LYPD6B: variants seen among roughly 807,000 people sequenced by gnomAD.
LYPD6B encodes ly6/PLAUR domain-containing protein 6B.
LYPD6B carries 17 observed loss-of-function variants against 22.8 expected under a neutral mutation model. That is an observed-to-expected ratio of 0.75 (90% CI 0.51 to 1.12). The LOEUF (loss-of-function observed/expected upper bound fraction) is 1.12, where lower values mean the gene tolerates loss of function less well. Among genes scored for constraint, LYPD6B ranks in the 50% most tolerant of loss-of-function variants. LYPD6B has a pLI of 0.00. For synonymous variants in LYPD6B, 106 were observed against 91.6 expected (o/e 1.16, Z -0.90); for missense variants, 221 against 258.3 (o/e 0.86, Z 0.99).
intron 1 of LYPD6B, among the ~76,000 whole-genome samples, chr2:149,114,599 T>C (rs576852568): frequency 5.9e-5 from 9 of 152,318 alleles, no homozygotes; most frequent in African/African-American, 1.9e-4. Flanking sequence ...ACACTACTGT[T>C]CTAAGGGCTA....
At chr2:149,040,214 TC>T (rs1480937928) in intron 1 of LYPD6B, among the ~76,000 whole-genome samples, 4 of 98,100 alleles carry the variant, frequency 4.1e-5, no homozygotes, top group East Asian at 4.7e-4. Context: ...TCTCTCTCTC[TC>T]TCTCTCTTTT....
At position 149,066,618 on chromosome 2, in the gene LYPD6B, T is replaced by C. The variant is rs574778285; in HGVS notation, c.-67+27817T>C. On this transcript the variant is annotated intron_variant, in intron 1 of 6. Transcript: ENST00000409642. ...TGGTTCCAATGTTATGCCATATACATAACAGTTGCTCAAAAACATTTATTA... is the reference window on the plus strand; with the variant it reads ...TGGTTCCAATGTTATGCCATATACACAACAGTTGCTCAAAAACATTTATTA... Among the ~76,000 whole-genome samples the C allele has an allele frequency of 8.4e-4, 128 of 152,174 alleles. 1 individual carries two copies. Among genetic ancestry groups the C allele is most frequent in the African/African-American group, 1.2e-3 (50 of 41,524 alleles).
At chr2:149,153,107 G>A (rs10490382) in intron 2 of LYPD6B, among the ~76,000 whole-genome samples, 41,266 of 151,932 alleles carry the variant, frequency 0.27, 7,107 homozygotes, top group East Asian at 0.55. Context: ...AGCTGAACAG[G>A]GTCTTATAGG....
intron 1 of LYPD6B, among the ~76,000 whole-genome samples, chr2:149,085,144 C>T (rs904848000): frequency 2.6e-5 from 4 of 152,194 alleles, no homozygotes; most frequent in African/African-American, 9.7e-5. Flanking sequence ...CTCCCCATAC[C>T]GATGAGAAAG....
intron 5 of LYPD6B, 110 bp from the exon 6 acceptor site, chr2:149,212,882 T>C (rs760418409): frequency 4.6e-6 from 5 of 1,087,270 alleles, no homozygotes; most frequent in Non-Finnish European, 6.5e-6. Flanking sequence ...ACCCCAGGAC[T>C]GGCCTGAATT....
intron 6 of LYPD6B, among the ~76,000 whole-genome samples, chr2:149,214,074 T>G (rs1694045207): frequency 6.6e-6 from 1 of 152,196 alleles, no homozygotes; most frequent in Non-Finnish European, 1.5e-5. Flanking sequence ...GCAACCATAA[T>G]TAGTAAACCA....
chr2:149,201,168 G>A (rs1392219904), intron 3 of LYPD6B, among the ~76,000 whole-genome samples: 1 of 152,170 alleles, frequency 6.6e-6, no homozygotes, highest in African/African-American at 2.4e-5. Context: ...TAACCATTAT[G>A]TGGGTCTCTA....
intron 6 of LYPD6B, 105 bp downstream of exon 6, chr2:149,213,227 C>T: frequency 7.0e-7 from 1 of 1,422,156 alleles, no homozygotes; most frequent in Non-Finnish European, 9.6e-7. Context: ...ACCATGTTTA[C>T]ATTTTGAGGA....
At chr2:149,067,053 T>C (rs1487775370) in intron 1 of LYPD6B, among the ~76,000 whole-genome samples, 2 of 152,194 alleles carry the variant, frequency 1.3e-5, no homozygotes, top group Non-Finnish European at 2.9e-5. Context: ...TAAGAGAGAA[T>C]ATGTGGTATT....
intron 1 of LYPD6B, among the ~76,000 whole-genome samples, chr2:149,043,101 G>A (rs950157933): frequency 1.3e-5 from 2 of 152,174 alleles, no homozygotes; most frequent in Admixed American, 1.3e-4. Flanking sequence ...TGGTAGCAGG[G>A]AAAGGAAGAA....
rs35825610 is a variant in LYPD6B, at chr2:149,172,979, C to CAT, written c.77+12161_77+12162dup. 9.7e-3 allele frequency among the ~76,000 whole-genome samples: 1,440 copies of CAT among 148,510 alleles called. 16 individuals carry two copies. The highest frequency in any genetic ancestry group is 0.028 in the African/African-American group (1,108 of 40,282). On this transcript the variant is annotated intron_variant, in intron 3 of 6. Transcript: ENST00000409642. ...TCATAAGCCAATACCTTTTAATAAG[C>CAT]ATATATATATATATATATGCGCTTA...
intron 4 of LYPD6B, among the ~76,000 whole-genome samples, 198 bp downstream of exon 4, chr2:149,205,602 G>A (rs967110282): frequency 1.3e-5 from 2 of 152,146 alleles, no homozygotes; most frequent in Non-Finnish European, 2.9e-5. Context: ...AAATGGTCTG[G>A]CTTCCTGCTG....
At chr2:149,080,268 G>C (rs548888392) in intron 1 of LYPD6B, among the ~76,000 whole-genome samples, 1 of 152,284 alleles carries the variant, frequency 6.6e-6, no homozygotes, top group Admixed American at 6.5e-5. Flanking sequence ...CCCTGTGTGT[G>C]TGTCTGTGTC....
intron 2 of LYPD6B, among the ~76,000 whole-genome samples, chr2:149,147,510 G>A (rs576370408): frequency 2.0e-5 from 3 of 151,614 alleles, no homozygotes; most frequent in African/African-American, 7.3e-5. Flanking sequence ...TTTGTTTTTT[G>A]TTTGTTTGTT....
intron 2 of LYPD6B, chr2:149,154,018 G>A: frequency 1.0e-6 from 1 of 953,892 alleles, no homozygotes; most frequent in Non-Finnish European, 1.2e-6. Flanking sequence ...CTAGGAGGAT[G>A]GTGATTCTAA....
intron 1 of LYPD6B, among the ~76,000 whole-genome samples, chr2:149,098,235 CT>C (rs931651691): frequency 6.6e-6 from 1 of 151,920 alleles, no homozygotes; most frequent in African/African-American, 2.4e-5. Context: ...TCTTAAGTTT[CT>C]CTAACTTTTA....
intron 3 of LYPD6B, among the ~76,000 whole-genome samples, chr2:149,179,868 A>G (rs1469119056): frequency 6.6e-6 from 1 of 152,264 alleles, no homozygotes; most frequent in African/African-American, 2.4e-5. Flanking sequence ...TAGATTAGGT[A>G]ATTCACAAAA....
intron 1 of LYPD6B, among the ~76,000 whole-genome samples, chr2:149,053,607 C>T (rs1219476017): frequency 6.6e-6 from 1 of 152,130 alleles, no homozygotes; most frequent in African/African-American, 2.4e-5. Context: ...ATAAAATGTA[C>T]CTCTTTAAAG....
intron 1 of LYPD6B, among the ~76,000 whole-genome samples, chr2:149,071,168 A>G (rs1054481326): frequency 6.6e-6 from 1 of 152,364 alleles, no homozygotes; most frequent in Non-Finnish European, 1.5e-5. Flanking sequence ...CCATAGCAAT[A>G]CTTAATTAAC....
Sources: allele counts gnomAD v4.1 joint callset (sites outside exome capture counted in the v4.1 genomes callset), GRCh38; gene constraint gnomAD v4.1.1; transcripts MANE v1.5; gene names NCBI Gene and HGNC (gene_info 2026-07-23, HGNC 2026-07-21).